The following AAK1 variants were observed in gnomAD, a reference collection of about 807,000 sequenced individuals.
AAK1 encodes the protein AP2 associated kinase 1.
AAK1 carries 37 observed loss-of-function variants against 116.0 expected under a neutral mutation model. The observed-to-expected ratio is 0.32, with a 90% CI of 0.25 to 0.42. The LOEUF (loss-of-function observed/expected upper bound fraction) is 0.42. AAK1 is among the 10% of genes least tolerant of loss of function. AAK1 has a pLI of 1.00. For synonymous variants in AAK1, 458 were observed against 439.9 expected (o/e 1.04, Z -0.51); for missense variants, 919 against 1,170.6 (o/e 0.79, Z 3.14).
intron 6 of AAK1, among the ~76,000 whole-genome samples, chr2:69,531,109 C>A (rs894194467): frequency 2.0e-5 from 3 of 152,128 alleles, no homozygotes; most frequent in African/African-American, 4.8e-5. Context: ...TGGTACTCTG[C>A]AGAAGAGCAG....
At position 69,467,331 on chromosome 2, in the gene AAK1, T is replaced by G. The variant is rs1234201209; in HGVS notation, c.*8538A>C. 1.0e-6 allele frequency: 1 copy of G among 985,344 alleles called. No individual in the cohort carries two copies. The highest frequency in any genetic ancestry group is 1.2e-6 in the Non-Finnish European group (1 of 829,944). The allele number at this position is 985,344 out of a possible 1,614,324, so 61.0% of individuals were successfully genotyped here. A position where few individuals can be genotyped will look rare whatever the true frequency, so the allele number is the denominator to read the frequency against. ...GCATTAGCAAACTCCAATATACTAG[T>G]CTATTTCTATCTAGGTAGAGGTGCC... On this transcript the variant is annotated 3_prime_UTR_variant, in exon 22 of 22. Transcript: ENST00000409085.
At chr2:69,497,634 TCA>T (rs1352303208) in intron 16 of AAK1, among the ~76,000 whole-genome samples, 1 of 152,244 alleles carries the variant, frequency 6.6e-6, no homozygotes, top group African/African-American at 2.4e-5. Context: ...ATTTCAGTAT[TCA>T]GTTTGTTCGT....
intron 2 of AAK1, among the ~76,000 whole-genome samples, chr2:69,627,149 C>T (rs949620068): frequency 6.6e-6 from 1 of 151,894 alleles, no homozygotes; most frequent in Admixed American, 6.6e-5. Context: ...ATTAGCTAGG[C>T]GTGGTGGCGG....
At chr2:69,628,159 G>A (rs922322146) in intron 2 of AAK1, among the ~76,000 whole-genome samples, 10 of 152,160 alleles carry the variant, frequency 6.6e-5, no homozygotes, top group Admixed American at 2.0e-4. Flanking sequence ...CAAAACTATT[G>A]TCTTGGCTGG....
Position 69,469,261 on chromosome 2 carries a change from C to A in AAK1, c.*6608G>T, listed in dbSNP as rs1039157039. On this transcript the variant is annotated 3_prime_UTR_variant, in exon 22 of 22. Transcript: ENST00000409085. ...GAAATGCCAGAGAATATGGGGGAAG[C>A]CCAGACCTCCACATTCCCTTAAGGA... is the stretch of plus-strand genomic sequence containing the variant. 5 of 985,296 alleles carry A rather than the reference C, an allele frequency of 5.1e-6. No homozygotes were observed. The African/African-American group carries it at 7.0e-5, about 14-fold the overall frequency. The allele number at this position is 985,296 out of a possible 1,614,324, so 61.0% of individuals were successfully genotyped here.
In AAK1 at chr2:69,546,217, G is replaced by C. The variant is rs539120458; in HGVS notation, c.283-1673C>G. Among the ~76,000 whole-genome samples, 5 of 152,242 alleles carry C rather than the reference G, an allele frequency of 3.3e-5. No homozygotes were observed. In the South Asian group the frequency reaches 1.0e-3, roughly 32 times the overall value. ...TATCTGTTGTTTTATTTTTGGTAGA[G>C]AACAAGGTCATTTCCTAAATGTATA... On this transcript the variant is annotated intron_variant, in intron 3 of 21. Transcript: ENST00000409085.
intron 2 of AAK1, among the ~76,000 whole-genome samples, chr2:69,560,430 C>T (rs917005116): frequency 1.3e-5 from 2 of 152,224 alleles, no homozygotes; most frequent in Admixed American, 6.5e-5. Context: ...AAAGGAAAAA[C>T]CTAATGGTTT....
intron 2 of AAK1, among the ~76,000 whole-genome samples, chr2:69,573,584 G>A (rs1360980084): frequency 6.6e-6 from 1 of 152,226 alleles, no homozygotes; most frequent in Non-Finnish European, 1.5e-5. Context: ...TGGCTGGCGT[G>A]TGCCTGGAAA....
At chr2:69,554,767 T>C (rs749849844) in intron 3 of AAK1, among the ~76,000 whole-genome samples, 13 of 152,220 alleles carry the variant, frequency 8.5e-5, no homozygotes, top group South Asian at 4.1e-4. Context: ...CCTTGGGGAA[T>C]TGCTTGACGT....
Position 69,464,864 on chromosome 2 carries a change from C to T in AAK1, c.*11005G>A, listed in dbSNP as rs1335010727. On this transcript the variant is annotated 3_prime_UTR_variant, in exon 22 of 22. Coordinates refer to ENST00000409085, the MANE Select transcript of AAK1 (RefSeq NM_014911.5). ...GAATCAGATCTGGAGACTCCTAGAG[C>T]TGCTGCTTCTACAGGAATTATTAGT... 1 of 154,392 alleles carries T rather than the reference C, an allele frequency of 6.5e-6. No homozygotes were observed. The highest frequency in any genetic ancestry group is 2.0e-4 in the South Asian group (1 of 4,974). 9.6% of individuals were successfully genotyped at this position (154,392 alleles called of 1,614,324 possible).
Position 69,458,707 on chromosome 2 carries a change from G to GCGCACA in AAK1, c.*17161_*17162insTGTGCG, listed in dbSNP as rs1553405603. 1 of 150,126 alleles carries GCGCACA rather than the reference G, an allele frequency of 6.7e-6. No individual in the cohort carries two copies. The highest frequency in any genetic ancestry group is 1.5e-5 in the Non-Finnish European group (1 of 67,260). The allele number at this position is 150,126 out of a possible 1,614,324, so 9.3% of individuals were successfully genotyped here. A position where few individuals can be genotyped will look rare whatever the true frequency, so the allele number is the denominator to read the frequency against. On this transcript the variant is annotated 3_prime_UTR_variant, in exon 22 of 22. Coordinates refer to ENST00000409085, the MANE Select transcript of AAK1 (RefSeq NM_014911.5). Reference sequence around the variant, plus strand: ...TGGAAGAAAGCATGAAGATGAATGAGCACACACACACACACACACACCCCA... The same window carrying GCGCACA: ...TGGAAGAAAGCATGAAGATGAATGAGCGCACACACACACACACACACACACACCCCA...
rs754933547 is a variant in AAK1, at chr2:69,466,364, G to A, written c.*9505C>T. ...CTTCAAGGTCAGTCCCTTCCTCTTC[G>A]CTGCTGTGGAATGAGCTGTTGCTTG... On this transcript the variant is annotated 3_prime_UTR_variant, in exon 22 of 22. Transcript: ENST00000409085. The A allele has an allele frequency of 3.7e-5, 48 of 1,289,654 alleles. No individual in the cohort carries two copies. The highest frequency in any genetic ancestry group is 4.1e-5 in the Non-Finnish European group (41 of 988,876). The allele number at this position is 1,289,654 out of a possible 1,614,324, so 79.9% of individuals were successfully genotyped here.
At chr2:69,593,356 T>C (rs1022039331) in intron 2 of AAK1, among the ~76,000 whole-genome samples, 3 of 152,156 alleles carry the variant, frequency 2.0e-5, no homozygotes, top group Non-Finnish European at 4.4e-5. Flanking sequence ...CACAACATAT[T>C]ATTGAGTTTA....
chr2:69,604,840 A>G (rs1032590303), intron 2 of AAK1, among the ~76,000 whole-genome samples: 9 of 151,870 alleles, frequency 5.9e-5, no homozygotes, highest in Admixed American at 3.9e-4. Flanking sequence ...CACTAAACAT[A>G]CCCTAGCCAA....
intron 2 of AAK1, among the ~76,000 whole-genome samples, chr2:69,612,430 A>G (rs1038231656): frequency 3.9e-5 from 6 of 152,240 alleles, no homozygotes; most frequent in African/African-American, 7.2e-5. Flanking sequence ...GATAAATAAG[A>G]TAATTCCAAC....
chr2:69,534,693 G>A (rs1219451247), intron 5 of AAK1, among the ~76,000 whole-genome samples: 1 of 152,204 alleles, frequency 6.6e-6, no homozygotes, highest in Non-Finnish European at 1.5e-5. Flanking sequence ...AGGCCTTCAG[G>A]CCACATCAAA....
intron 3 of AAK1, among the ~76,000 whole-genome samples, chr2:69,545,400 C>A (rs1670882185): frequency 6.6e-6 from 1 of 152,130 alleles, no homozygotes; most frequent in Non-Finnish European, 1.5e-5. Flanking sequence ...ATGATTTTTG[C>A]ACAAATGCAA....
intron 1 of AAK1, 69 bp downstream of exon 1, chr2:69,643,506 C>G (rs1675850353): frequency 8.2e-7 from 1 of 1,222,690 alleles, no homozygotes; most frequent in Admixed American, 4.3e-5. Flanking sequence ...CCGACCCTCC[C>G]GGGCACTGCC....
intron 2 of AAK1, among the ~76,000 whole-genome samples, chr2:69,578,020 G>T (rs1213374744): frequency 1.3e-5 from 2 of 152,180 alleles, no homozygotes; most frequent in Admixed American, 6.5e-5. Context: ...AGAAGAGGAA[G>T]AATTCATTGC....
Sources: gnomAD v4.1 joint callset for allele counts (sites outside exome capture counted in the v4.1 genomes callset) on GRCh38, gnomAD v4.1.1 for gene constraint, MANE v1.5 for transcripts, NCBI Gene and HGNC (gene_info 2026-07-23, HGNC 2026-07-21) for gene names.